Variants in ADCY3 observed in about 807,000 individuals in gnomAD.
ADCY3 encodes the protein adenylate cyclase type 3.
A neutral mutation model predicts 119.4 loss-of-function variants in ADCY3; 70 were observed. That is an observed-to-expected ratio of 0.59 (90% CI 0.48 to 0.72). The LOEUF is 0.72. Ranked by LOEUF, ADCY3 falls within the 30% of genes least tolerant of loss-of-function variation. The probability of loss-of-function intolerance (pLI) is 0.00; values close to 1 mark genes in which losing one functional copy is unlikely to be tolerated. For missense variants in ADCY3, 1,238 were observed against 1,541.6 expected (o/e 0.80, Z 3.30); for synonymous variants, 672 against 621.4 (o/e 1.08, Z -1.21).
intron 3 of ADCY3, among the ~76,000 whole-genome samples, chr2:24,847,742 G>A (rs976863116): frequency 1.3e-5 from 2 of 152,250 alleles, no homozygotes; most frequent in South Asian, 2.1e-4. Context: ...GAAAAGATGA[G>A]CCTCTAGGAA....
intron 6 of ADCY3, among the ~76,000 whole-genome samples, chr2:24,840,247 G>A (rs564722757): frequency 1.3e-5 from 2 of 152,340 alleles, no homozygotes; most frequent in South Asian, 2.1e-4. Flanking sequence ...GGCACCAAGC[G>A]ACTTTCCTCC....
At chr2:24,904,113 G>C (rs1383429604) in intron 2 of ADCY3, among the ~76,000 whole-genome samples, 2 of 149,754 alleles carry the variant, frequency 1.3e-5, no homozygotes, top group Non-Finnish European at 3.0e-5. Context: ...TTGCCAAAAT[G>C]CAAAAAGGAA....
At chr2:24,821,435 C>T (rs1667695944) in intron 20 of ADCY3, 82 bp downstream of exon 20, 3 of 1,567,548 alleles carry the variant, frequency 1.9e-6, no homozygotes, top group Non-Finnish European at 2.6e-6. Flanking sequence ...TTGTCCTGAG[C>T]CTCATGTCTC....
chr2:24,838,667 C>T (rs369863280), intron 7 of ADCY3, 45 bp from the exon 8 acceptor site: 2 of 1,608,818 alleles, frequency 1.2e-6, no homozygotes, highest in African/African-American at 2.7e-5. Context: ...CAGAGGTGGC[C>T]CTCACACCCC....
At chr2:24,827,746 T>TA (rs1668827566) in intron 14 of ADCY3, 138 bp from the exon 15 acceptor site, 2 of 1,414,568 alleles carry the variant, frequency 1.4e-6, no homozygotes, top group Non-Finnish European at 2.0e-6. Flanking sequence ...CAAACAGTGA[T>TA]ACGTCTGTGA....
chr2:24,824,681 G>C (rs1668338523), intron 16 of ADCY3, 145 bp from the exon 17 acceptor site: 3 of 791,198 alleles, frequency 3.8e-6, no homozygotes, highest in Non-Finnish European at 5.9e-6. Context: ...CTGAGGTCAG[G>C]AGTTCGAGAC....
intron 2 of ADCY3, among the ~76,000 whole-genome samples, chr2:24,890,343 A>G (rs1321198762): frequency 1.3e-5 from 2 of 152,196 alleles, no homozygotes; most frequent in African/African-American, 4.8e-5. Context: ...TCATAAAATA[A>G]GTTGGGAAAT....
At chr2:24,911,641 A>ACACACAC (rs1459604524) in intron 2 of ADCY3, among the ~76,000 whole-genome samples, 3,292 of 58,010 alleles carry the variant, frequency 0.057, 71 homozygotes, top group South Asian at 0.11. Flanking sequence ...CAGACTCAAA[A>ACACACAC]AAAAAAAAAA....
At chr2:24,913,448 G>A (rs1370646503) in intron 2 of ADCY3, among the ~76,000 whole-genome samples, 2 of 152,198 alleles carry the variant, frequency 1.3e-5, no homozygotes, top group East Asian at 1.9e-4. Context: ...AAAGTAGGAG[G>A]CCCAGATGCC....
In ADCY3 at chr2:24,918,982, C is replaced by G; in HGVS notation, c.6G>C (p.Pro2=). The G allele has an allele frequency of 1.3e-6, 2 of 1,568,956 alleles. No individual in the cohort carries two copies. Among genetic ancestry groups the G allele is most frequent in the Non-Finnish European group, 1.7e-6 (2 of 1,161,534 alleles). Residue 2 remains proline (P), a synonymous_variant, in exon 2 of 22, where the codon CCG becomes CCC. Transcript: ENST00000679454. The surrounding 1 kb of genome is among the most constrained non-coding windows in gnomAD (Gnocchi z 5.4). M[P]RNQGFSEPEY... is the part of the protein sequence containing the mutation. Reference sequence around the variant, plus strand: ...CGGGCTCGGAGAAGCCCTGGTTCCTCGGCATACTGGCTGGTGTCTGCTACT... The same window carrying G: ...CGGGCTCGGAGAAGCCCTGGTTCCTGGGCATACTGGCTGGTGTCTGCTACT...
intron 2 of ADCY3, among the ~76,000 whole-genome samples, chr2:24,911,184 T>A (rs1159166885): frequency 6.7e-6 from 1 of 150,308 alleles, no homozygotes. Context: ...GTTGGAACTA[T>A]CTCAACAGGC....
chr2:24,910,657 TTTTC>T (rs1183967442), intron 2 of ADCY3, among the ~76,000 whole-genome samples: 15 of 128,372 alleles, frequency 1.2e-4, no homozygotes, highest in Non-Finnish European at 1.9e-4. Flanking sequence ...CTTTCTTTTC[TTTTC>T]TTTTTTTTTT....
In ADCY3 at chr2:24,918,764, T is replaced by A; in HGVS notation, c.224A>T (p.His75Leu). 2 of 1,614,068 alleles carry A rather than the reference T, an allele frequency of 1.2e-6. No homozygotes were observed. The highest frequency in any genetic ancestry group is 1.7e-6 in the Non-Finnish European group (2 of 1,180,028). The part of the protein sequence containing the change: ...LYQTYFKRQR[H>L]ETLLVLVVFA... ...GACCACCAGCACCAGCAGGGTCTCG[T>A]GGCGCTGCCTTTTGAAGTAGGTCTG... Residue 75 changes from histidine to leucine, a missense_variant, in exon 2 of 22, where the codon CAC (histidine) becomes CTC (leucine). Transcript: ENST00000679454. This position sits in a 1 kb window ranked among gnomAD's most constrained non-coding sequence, Gnocchi z 5.4.
At chr2:24,850,533 G>T (rs968079938) in intron 3 of ADCY3, among the ~76,000 whole-genome samples, 1 of 152,172 alleles carries the variant, frequency 6.6e-6, no homozygotes, top group Non-Finnish European at 1.5e-5. Context: ...AATGTGGCTT[G>T]GTCTCCCCAG....
chr2:24,822,760 T>G, intron 18 of ADCY3, 130 bp from the exon 19 acceptor site: 1 of 1,264,374 alleles, frequency 7.9e-7, no homozygotes, highest in African/African-American at 1.5e-5. Flanking sequence ...AGTTGTTACT[T>G]AGTCTACCGC....
chr2:24,825,296 CTT>C (rs746090002), intron 16 of ADCY3, among the ~76,000 whole-genome samples: 75 of 142,338 alleles, frequency 5.3e-4, no homozygotes, highest in Admixed American at 3.6e-4. Flanking sequence ...TCTTCCTTCT[CTT>C]TTCCTTTTTT....
At position 24,834,781 on chromosome 2, in the gene ADCY3, G is replaced by C; in HGVS notation, c.1805+13C>G. 2 of 1,611,188 alleles carry C rather than the reference G, an allele frequency of 1.2e-6. No homozygotes were observed. The highest frequency in any genetic ancestry group is 1.1e-5 in the South Asian group (1 of 90,988). Reference sequence around the variant, plus strand: ...AGGAGTGGTGGGCCTGGACGCTTCCGGGTGGCGCTTACACTTGGGCGGACT... The same window carrying C: ...AGGAGTGGTGGGCCTGGACGCTTCCCGGTGGCGCTTACACTTGGGCGGACT... On this transcript the variant is annotated intron_variant, in intron 10 of 21. Coordinates refer to ENST00000679454, the MANE Select transcript of ADCY3 (RefSeq NM_004036.5). This position sits in a 1 kb window ranked among gnomAD's most constrained non-coding sequence, Gnocchi z 4.2.
chr2:24,884,907 C>T (rs1676854113), intron 2 of ADCY3, among the ~76,000 whole-genome samples: 1 of 152,174 alleles, frequency 6.6e-6, no homozygotes. Flanking sequence ...CGGTGCTTTC[C>T]ACCTGTTGAT....
chr2:24,917,793 C>A (rs1047720732), intron 2 of ADCY3, among the ~76,000 whole-genome samples: 6 of 152,210 alleles, frequency 3.9e-5, no homozygotes, highest in African/African-American at 1.4e-4. Flanking sequence ...CGTCTTCCCT[C>A]TGTGCAGCCC....
Sources: gnomAD v4.1 joint callset for allele counts (sites outside exome capture counted in the v4.1 genomes callset) on GRCh38, gnomAD v4.1.1 for gene constraint, Gnocchi (gnomAD v3.1) non-coding constraint, MANE v1.5 for transcripts, NCBI Gene and HGNC (gene_info 2026-07-23, HGNC 2026-07-21) for gene names.